Variants in ARNT2 observed in about 807,000 individuals in gnomAD.
The protein encoded by ARNT2 is ARNT protein 2.
A neutral mutation model predicts 91.7 loss-of-function variants in ARNT2; 36 were observed. The ratio of observed to expected loss-of-function variants is 0.39; its 90% CI spans 0.30 to 0.52. The LOEUF is 0.52. ARNT2 is among the 20% of genes least tolerant of loss of function. ARNT2 has a pLI of 0.72. For missense variants in ARNT2, 775 were observed against 939.3 expected, an observed-to-expected ratio of 0.83 and a Z score of 2.29; for synonymous variants, 365 against 347.1, an observed-to-expected ratio of 1.05 and a Z score of -0.57.
At chr15:80,501,766 A>C (rs998812779) in intron 5 of ARNT2, among the ~76,000 whole-genome samples, 2 of 151,964 alleles carry the variant, frequency 1.3e-5, no homozygotes, top group Non-Finnish European at 2.9e-5. Flanking sequence ...AAATCTGTAC[A>C]TAACCCTTCA....
chr15:80,413,102 G>C (rs1416081142), intron 1 of ARNT2, among the ~76,000 whole-genome samples: 1 of 151,168 alleles, frequency 6.6e-6, no homozygotes, highest in Non-Finnish European at 1.5e-5. Flanking sequence ...ACTGCTGTTA[G>C]GGTAATTGGT....
At chr15:80,513,256 A>G (rs1187049378) in intron 6 of ARNT2, among the ~76,000 whole-genome samples, 1 of 152,150 alleles carries the variant, frequency 6.6e-6, no homozygotes, top group South Asian at 2.1e-4. Flanking sequence ...GGGAGGCAGG[A>G]AAGGTTGTCC....
At chr15:80,417,219 T>G (rs1862575983) in intron 1 of ARNT2, among the ~76,000 whole-genome samples, 4 of 152,240 alleles carry the variant, frequency 2.6e-5, no homozygotes. Context: ...TGAAACACAC[T>G]GCAATTAACA....
chr15:80,443,850 A>G (rs1896234972), intron 1 of ARNT2, among the ~76,000 whole-genome samples: 2 of 152,132 alleles, frequency 1.3e-5, no homozygotes, highest in South Asian at 4.1e-4. Context: ...CAGACGAGAG[A>G]AGGTTGAAGG....
chr15:80,535,675 G>A (rs984390150), intron 8 of ARNT2, among the ~76,000 whole-genome samples: 16 of 150,896 alleles, frequency 1.1e-4, no homozygotes, highest in African/African-American at 3.2e-4. Flanking sequence ...AAAGATTTCC[G>A]TTCAACCTGT....
At chr15:80,532,769 C>G (rs745550411) in intron 8 of ARNT2, among the ~76,000 whole-genome samples, 2 of 152,198 alleles carry the variant, frequency 1.3e-5, no homozygotes, top group Non-Finnish European at 2.9e-5. Flanking sequence ...GATCCTGATA[C>G]GTGCTTTCAA....
At position 80,593,934 on chromosome 15, in the gene ARNT2, T is replaced by C. The variant is rs1893330888; in HGVS notation, c.*236T>C. ...ATTAGGGGATCAGTTGTATTTATTG[T>C]ATTTTATCTGTGTGTGCTCAGGAGG... On this transcript the variant is annotated 3_prime_UTR_variant, in exon 19 of 19. Coordinates refer to ENST00000303329, the MANE Select transcript of ARNT2 (RefSeq NM_014862.4). The C allele has an allele frequency of 1.9e-6, 1 of 532,924 alleles. No homozygotes were observed. Among genetic ancestry groups the C allele is most frequent in the African/African-American group, 1.9e-5 (1 of 52,568 alleles). 33.0% of individuals were successfully genotyped at this position (532,924 alleles called of 1,614,324 possible).
chr15:80,565,199 A>G (rs1366179570), intron 12 of ARNT2, among the ~76,000 whole-genome samples: 1 of 152,222 alleles, frequency 6.6e-6, no homozygotes, highest in Non-Finnish European at 1.5e-5. Flanking sequence ...TGCTGGGATT[A>G]CAGGTGTGAG....
intron 17 of ARNT2, among the ~76,000 whole-genome samples, chr15:80,583,335 G>A (rs1009011195): frequency 6.6e-6 from 1 of 152,184 alleles, no homozygotes; most frequent in Admixed American, 6.5e-5. Flanking sequence ...CCACTTCCCT[G>A]CCCCAACCAT....
intron 16 of ARNT2, 113 bp from the exon 17 acceptor site, chr15:80,581,126 A>T: frequency 7.9e-7 from 1 of 1,261,078 alleles, no homozygotes; most frequent in Non-Finnish European, 1.1e-6. Flanking sequence ...GGTCATGGGG[A>T]GTCACTGTCA....
chr15:80,469,229 C>T (rs1292151369), intron 3 of ARNT2, among the ~76,000 whole-genome samples: 1 of 152,126 alleles, frequency 6.6e-6, no homozygotes, highest in Non-Finnish European at 1.5e-5. Flanking sequence ...ATTCTACCAT[C>T]CCTTCTGCTA....
intron 17 of ARNT2, among the ~76,000 whole-genome samples, chr15:80,587,159 T>C (rs1893187357): frequency 6.6e-6 from 1 of 152,238 alleles, no homozygotes; most frequent in African/African-American, 2.4e-5. Flanking sequence ...GGTGCGTTTT[T>C]CTTCTGCCTA....
chr15:80,482,828 G>GTATTTTCTCT (rs1896910074), intron 5 of ARNT2, among the ~76,000 whole-genome samples: 1 of 152,204 alleles, frequency 6.6e-6, no homozygotes, highest in African/African-American at 2.4e-5. Flanking sequence ...CAGAAGCTCT[G>GTATTTTCTCT]GAGGCCCAGA....
At chr15:80,438,705 G>C (rs1051238305) in intron 1 of ARNT2, among the ~76,000 whole-genome samples, 1 of 152,040 alleles carries the variant, frequency 6.6e-6, no homozygotes, top group African/African-American at 2.4e-5. Flanking sequence ...TTTTTGGGGT[G>C]GGGGGATGGA....
At chr15:80,424,128 G>A (rs1343796966) in intron 1 of ARNT2, among the ~76,000 whole-genome samples, 1 of 152,152 alleles carries the variant, frequency 6.6e-6, no homozygotes, top group Non-Finnish European at 1.5e-5. Flanking sequence ...AGGCCCTGTT[G>A]CCAGGGAACA....
intron 17 of ARNT2, among the ~76,000 whole-genome samples, chr15:80,585,030 G>GA (rs1596026163): frequency 6.6e-6 from 1 of 152,130 alleles, no homozygotes; most frequent in African/African-American, 2.4e-5. Context: ...CATTGAGTGA[G>GA]AAAAAACGCC....
At chr15:80,488,471 C>T (rs1175121622) in intron 5 of ARNT2, 1 of 152,102 alleles carries the variant, frequency 6.6e-6, no homozygotes, top group African/African-American at 2.4e-5. Flanking sequence ...TTTATTACAG[C>T]TTTGTACATA....
chr15:80,463,160 C>T (rs919287067), intron 3 of ARNT2, among the ~76,000 whole-genome samples: 3 of 152,144 alleles, frequency 2.0e-5, no homozygotes, highest in Non-Finnish European at 4.4e-5. Flanking sequence ...GAGAAGACGC[C>T]TAAAGTATTT....
chr15:80,505,927 G>GTTTTGTTTTTTTT (rs1897267122), intron 5 of ARNT2, among the ~76,000 whole-genome samples: 2 of 88,930 alleles, frequency 2.2e-5, no homozygotes, highest in African/African-American at 4.3e-5. Flanking sequence ...AACATTTGTT[G>GTTTTGTTTTTTTT]TTTTTTTTTT....
Sources: allele counts gnomAD v4.1 joint callset (sites outside exome capture counted in the v4.1 genomes callset), GRCh38; gene constraint gnomAD v4.1.1; transcripts MANE v1.5; gene names NCBI Gene and HGNC (gene_info 2026-07-23, HGNC 2026-07-21).